The following SLC25A48 variants were observed in gnomAD, a reference collection of about 807,000 sequenced individuals.
SLC25A48 encodes the protein CTC-321K16.1.
In SLC25A48, 29 loss-of-function variants were observed where a neutral mutation model predicts 32.2. That is an observed-to-expected ratio of 0.90 (90% CI 0.67 to 1.23). The LOEUF (loss-of-function observed/expected upper bound fraction) is 1.23, where lower values mean the gene tolerates loss of function less well. Among genes scored for constraint, SLC25A48 ranks in the 50% most tolerant of loss-of-function variants. The pLI, the probability that SLC25A48 is intolerant of heterozygous loss-of-function variation, is 0.00. For missense variants in SLC25A48, 399 were observed against 422.7 expected (o/e 0.94, Z 0.49); for synonymous variants, 164 against 172.3 (o/e 0.95, Z 0.38).
intron 6 of SLC25A48, chr5:135,874,632 C>G: frequency 1.4e-6 from 1 of 694,080 alleles, no homozygotes; most frequent in Middle Eastern, 2.3e-4. Context: ...CCACCTGAGC[C>G]CTGACCCCAG....
intron 3 of SLC25A48, among the ~76,000 whole-genome samples, chr5:135,677,040 C>A (rs1193712234): frequency 6.6e-6 from 1 of 151,936 alleles, no homozygotes; most frequent in Non-Finnish European, 1.5e-5. Context: ...CTGTCTAATG[C>A]TAATAGTAGA....
intron 1 of SLC25A48, among the ~76,000 whole-genome samples, chr5:135,612,255 T>C (rs1430992788): frequency 6.6e-6 from 1 of 152,242 alleles, no homozygotes; most frequent in Non-Finnish European, 1.5e-5. Flanking sequence ...GCATATTTTC[T>C]AATTGATGCC....
chr5:135,775,298 A>T (rs1756522656), intron 3 of SLC25A48, among the ~76,000 whole-genome samples: 2 of 151,640 alleles, frequency 1.3e-5, no homozygotes, highest in Non-Finnish European at 2.9e-5. Context: ...TCTTTCTAAC[A>T]TACAGGGGGG....
chr5:135,587,808 G>A (rs888958900), intron 1 of SLC25A48, among the ~76,000 whole-genome samples: 17 of 152,326 alleles, frequency 1.1e-4, no homozygotes, highest in African/African-American at 3.4e-4. Context: ...AGCCAAGAGT[G>A]CGGCCCAGAT....
intron 2 of SLC25A48, among the ~76,000 whole-genome samples, chr5:135,847,552 A>G (rs1484172349): frequency 6.6e-6 from 1 of 152,208 alleles, no homozygotes; most frequent in Non-Finnish European, 1.5e-5. Flanking sequence ...TTGAGATGGG[A>G]GGATGATCCT....
intron 3 of SLC25A48, among the ~76,000 whole-genome samples, chr5:135,791,638 G>C (rs1318335687): frequency 6.6e-6 from 1 of 151,680 alleles, no homozygotes; most frequent in African/African-American, 2.4e-5. Context: ...ATGTCACAGA[G>C]GGTGTACATC....
intron 1 of SLC25A48, among the ~76,000 whole-genome samples, chr5:135,610,680 G>A (rs560622251): frequency 1.6e-4 from 25 of 152,174 alleles, no homozygotes; most frequent in Non-Finnish European, 2.6e-4. Context: ...ACTTCCAAAA[G>A]CATGATTATG....
At chr5:135,822,543 C>T (rs1316480713) in intron 4 of SLC25A48, among the ~76,000 whole-genome samples, 1 of 152,172 alleles carries the variant, frequency 6.6e-6, no homozygotes, top group Non-Finnish European at 1.5e-5. Context: ...TCCATCATCA[C>T]ATGACATTCT....
At chr5:135,806,351 TATC>T (rs1477662686) in intron 3 of SLC25A48, among the ~76,000 whole-genome samples, 5 of 151,638 alleles carry the variant, frequency 3.3e-5, no homozygotes, top group Non-Finnish European at 4.4e-5. Flanking sequence ...GTATTATAAA[TATC>T]ATGGATATTT....
intron 3 of SLC25A48, among the ~76,000 whole-genome samples, chr5:135,852,094 G>A (rs1245856791): frequency 6.6e-6 from 1 of 152,202 alleles, no homozygotes. Flanking sequence ...CCCAGATTAT[G>A]AGCTCAGTGA....
intron 4 of SLC25A48, among the ~76,000 whole-genome samples, chr5:135,869,414 G>A (rs55758400): frequency 0.084 from 12,733 of 152,164 alleles, 1,349 homozygotes; most frequent in African/African-American, 0.25. Context: ...ACTCCGCAGG[G>A]AAAAGGAAAA....
At chr5:135,859,111 A>G (rs1760571757) in intron 4 of SLC25A48, among the ~76,000 whole-genome samples, 1 of 152,196 alleles carries the variant, frequency 6.6e-6, no homozygotes, top group African/African-American at 2.4e-5. Flanking sequence ...CACGACAGGG[A>G]GCTAACATAC....
Position 135,871,448 on chromosome 5 carries a change from C to G in SLC25A48, c.422-13C>G, listed in dbSNP as rs1405206565. 3 of 1,572,524 alleles carry G rather than the reference C, an allele frequency of 1.9e-6. No individual in the cohort carries two copies. The African/African-American group carries it at 4.0e-5, about 21-fold the overall frequency. On this transcript the variant is annotated splice_polypyrimidine_tract_variant and intron_variant, in intron 4 of 7. Coordinates refer to ENST00000681962, the MANE Select transcript of SLC25A48 (RefSeq NM_001349336.2). ...CTGGGTCACTTGCCACCTTCTCTCCCCTGTCTTTGCAGCCAACCTCGGTTT... is the reference window on the plus strand; with the variant it reads ...CTGGGTCACTTGCCACCTTCTCTCCGCTGTCTTTGCAGCCAACCTCGGTTT...
chr5:135,792,418 TA>T (rs1158542056), intron 3 of SLC25A48, among the ~76,000 whole-genome samples: 1 of 151,810 alleles, frequency 6.6e-6, no homozygotes, highest in Non-Finnish European at 1.5e-5. Context: ...ATGCTGCTAC[TA>T]ATGTCACAGT....
At position 135,706,340 on chromosome 5, in the gene SLC25A48, G is replaced by A. The variant is rs561591872; in HGVS notation, c.-521+71384G>A. Reference sequence around the variant, plus strand: ...ACCATACAGCAAGAGCAGGATCTCAGTGCTCAGGCAAGCTTTGAATCAAAT... The same window carrying A: ...ACCATACAGCAAGAGCAGGATCTCAATGCTCAGGCAAGCTTTGAATCAAAT... On this transcript the variant is annotated intron_variant, in intron 3 of 10. Transcript: ENST00000646290. 2.6e-5 allele frequency among the ~76,000 whole-genome samples: 4 copies of A among 152,304 alleles called. No homozygotes were observed. The East Asian group carries it at 7.7e-4, about 29-fold the overall frequency.
At chr5:135,611,950 G>T (rs1752082257) in intron 1 of SLC25A48, among the ~76,000 whole-genome samples, 1 of 152,182 alleles carries the variant, frequency 6.6e-6, no homozygotes, top group African/African-American at 2.4e-5. Flanking sequence ...TGCCTTCCAA[G>T]AAAACTTAAG....
chr5:135,888,415 T>C lies in SLC25A48; in HGVS notation c.*391T>C, dbSNP rs563929176. On this transcript the variant is annotated 3_prime_UTR_variant, in exon 8 of 8. Transcript: ENST00000681962. ...CTCTGGGCTCAGCCACTCCCTCCAG[T>C]CTCAAGTAACACGTCCCCGTGCCTC... 7.9e-6 allele frequency: 2 copies of C among 254,076 alleles called. No individual in the cohort carries two copies. Among genetic ancestry groups the C allele is most frequent in the East Asian group, 1.4e-4 (2 of 14,632 alleles). The allele number at this position is 254,076 out of a possible 1,614,324, so 15.7% of individuals were successfully genotyped here.
chr5:135,774,925 A>G (rs1199351147), intron 3 of SLC25A48, among the ~76,000 whole-genome samples: 1 of 151,712 alleles, frequency 6.6e-6, no homozygotes, highest in Non-Finnish European at 1.5e-5. Flanking sequence ...TTCTAATTCC[A>G]GATGGGAAGA....
chr5:135,601,034 G>T (rs1488243914), intron 1 of SLC25A48: 1 of 152,076 alleles, frequency 6.6e-6, no homozygotes, highest in Non-Finnish European at 1.5e-5. Flanking sequence ...GAATGAACAA[G>T]TTAATCCTTC....
Sources: allele counts gnomAD v4.1 joint callset (sites outside exome capture counted in the v4.1 genomes callset), GRCh38; gene constraint gnomAD v4.1.1; transcripts MANE v1.5; gene names NCBI Gene and HGNC (gene_info 2026-07-23, HGNC 2026-07-21).